The following GABRR1 variants were observed in gnomAD, a reference collection of about 807,000 sequenced individuals.
GABRR1 encodes gamma-aminobutyric acid receptor subunit rho-1.
Under a neutral mutation model 55.5 loss-of-function variants are expected in GABRR1, and 59 were observed. That is an observed-to-expected ratio of 1.06 (90% CI 0.86 to 1.32). The LOEUF (loss-of-function observed/expected upper bound fraction) is 1.32, where lower values mean the gene tolerates loss of function less well. GABRR1 is among the 40% of genes most tolerant of loss of function. The probability of loss-of-function intolerance (pLI) is 0.00; values close to 1 mark genes in which losing one functional copy is unlikely to be tolerated. For synonymous variants in GABRR1, 213 were observed against 226.0 expected (o/e 0.94, Z 0.51); for missense variants, 602 against 619.1 (o/e 0.97, Z 0.29).
intron 1 of GABRR1, among the ~76,000 whole-genome samples, chr6:89,225,024 A>G (rs1312201601): frequency 2.6e-5 from 4 of 151,776 alleles, no homozygotes; most frequent in Non-Finnish European, 5.9e-5. Context: ...CTCGTGATCC[A>G]CCCGCCTTGG....
At chr6:89,201,091 G>T in intron 3 of GABRR1, 68 bp downstream of exon 3, 1 of 1,186,930 alleles carries the variant, frequency 8.4e-7, no homozygotes, top group Non-Finnish European at 1.2e-6. Flanking sequence ...GCTGTCCCTT[G>T]GCTAATTTCC....
chr6:89,181,045 A>T (rs931503527), intron 8 of GABRR1, among the ~76,000 whole-genome samples: 2 of 152,220 alleles, frequency 1.3e-5, no homozygotes, highest in African/African-American at 4.8e-5. Context: ...TTCACTAAGG[A>T]TGACAATGTT....
Position 89,217,239 on chromosome 6 carries a change from C to T in GABRR1, c.84G>A (p.Trp28Ter). ...WVLATESRMHWPGREVHEMSK... is the reference protein window; with the variant it reads ...WVLATESRMH Reference sequence around the variant, plus strand: ...ACATCTCGTGGACTTCTCTTCCGGGCCAGTGCATTCTGCTTTCAGTGGCCA... The same window carrying T: ...ACATCTCGTGGACTTCTCTTCCGGGTCAGTGCATTCTGCTTTCAGTGGCCA... Residue 28 changes from tryptophan to a stop codon, truncating the protein, a stop_gained, in exon 1 of 10, where the codon TGG becomes TGA. Transcript: ENST00000454853. LOFTEE classifies it high-confidence loss of function. The T allele has an allele frequency of 6.2e-7, 1 of 1,614,072 alleles. No individual in the cohort carries two copies.
intron 6 of GABRR1, among the ~76,000 whole-genome samples, chr6:89,188,314 G>A (rs532630214): frequency 3.9e-5 from 6 of 152,264 alleles, no homozygotes; most frequent in South Asian, 2.1e-4. Context: ...ATGAGCAACC[G>A]TGCCCAGCCA....
intron 1 of GABRR1, among the ~76,000 whole-genome samples, chr6:89,208,612 CGAA>C (rs1047971988): frequency 4.6e-5 from 7 of 152,178 alleles, no homozygotes; most frequent in South Asian, 2.1e-4. Context: ...TAAGGTTTCT[CGAA>C]GAAGAAGAAG....
intron 8 of GABRR1, among the ~76,000 whole-genome samples, chr6:89,181,234 G>A (rs1213663621): frequency 6.6e-6 from 1 of 152,108 alleles, no homozygotes; most frequent in Non-Finnish European, 1.5e-5. Flanking sequence ...GGGGATTGGG[G>A]TCATCTTAAG....
intron 1 of GABRR1, among the ~76,000 whole-genome samples, chr6:89,225,356 T>C (rs1267042416): frequency 7.0e-6 from 1 of 143,566 alleles, no homozygotes; most frequent in African/African-American, 2.6e-5. Context: ...GCTGGTGCGC[T>C]GCACCCACTA....
chr6:89,197,929 GA>G, intron 5 of GABRR1, 90 bp downstream of exon 5: 1 of 1,037,214 alleles, frequency 9.6e-7, no homozygotes, highest in Non-Finnish European at 1.5e-6. Flanking sequence ...TGAAAAGTTA[GA>G]AAGTAGACAT....
chr6:89,208,635 T>G (rs183919815), intron 1 of GABRR1, among the ~76,000 whole-genome samples: 1 of 152,360 alleles, frequency 6.6e-6, no homozygotes, highest in East Asian at 1.9e-4. Flanking sequence ...GGAATTTGCT[T>G]CCAGACTGCC....
At position 89,198,114 on chromosome 6, in the gene GABRR1, A is replaced by T; in HGVS notation, c.478T>A (p.Phe160Ile). The T allele has an allele frequency of 6.2e-7, 1 of 1,614,142 alleles. No individual in the cohort carries two copies. The highest frequency in any genetic ancestry group is 1.3e-5 in the African/African-American group (1 of 75,026). ...ATGAAGGAGCGTTTGGAGTGCACGAAAAACATGTCAGGGACCCAGATCTTC... is the reference window on the plus strand; with the variant it reads ...ATGAAGGAGCGTTTGGAGTGCACGATAAACATGTCAGGGACCCAGATCTTC... ...VKKIWVPDMF[F>I]VHSKRSFIHD... Residue 160 changes from phenylalanine to isoleucine, a missense_variant, in exon 5 of 10, where the codon TTC becomes ATC. Coordinates refer to ENST00000454853, the MANE Select transcript of GABRR1 (RefSeq NM_002042.5).
At chr6:89,208,300 T>A (rs1046783637) in intron 1 of GABRR1, among the ~76,000 whole-genome samples, 4 of 152,248 alleles carry the variant, frequency 2.6e-5, no homozygotes, top group African/African-American at 9.6e-5. Flanking sequence ...GCATTTTGTA[T>A]TTTTCCTTGG....
At chr6:89,220,015 G>C (rs969522350), upstream of GABRR1, among the ~76,000 whole-genome samples, 2 of 152,154 alleles carry the variant, frequency 1.3e-5, no homozygotes, top group Non-Finnish European at 2.9e-5. Context: ...AAGCATGGTT[G>C]GATACTTAAG....
intron 5 of GABRR1, among the ~76,000 whole-genome samples, chr6:89,194,578 A>C (rs1268466775): frequency 6.6e-6 from 1 of 152,218 alleles, no homozygotes; most frequent in Admixed American, 6.5e-5. Flanking sequence ...TCTCTGACCA[A>C]GAATCCAAAA....
chr6:89,204,295 T>C (rs1428145375), intron 1 of GABRR1, among the ~76,000 whole-genome samples: 5 of 152,240 alleles, frequency 3.3e-5, no homozygotes, highest in Admixed American at 3.3e-4. Context: ...ATGTCATCTG[T>C]AGAAAATGGA....
At position 89,190,968 on chromosome 6, in the gene GABRR1, C is replaced by T. The variant is rs193019831; in HGVS notation, c.573-721G>A. On this transcript the variant is annotated intron_variant, in intron 5 of 9. Coordinates refer to ENST00000454853, the MANE Select transcript of GABRR1 (RefSeq NM_002042.5). ...GCCTCCTATCCAGTGGGGAATTTCA[C>T]AGCAGGACACGATTAACATTTGTTC... 7.2e-3 allele frequency among the ~76,000 whole-genome samples: 1,094 copies of T among 152,358 alleles called. 5 individuals carry two copies. Among genetic ancestry groups the T allele is most frequent in the Non-Finnish European group, 0.01 (713 of 68,034 alleles).
At chr6:89,196,864 A>AAAGAAAG (rs1187790147) in intron 5 of GABRR1, among the ~76,000 whole-genome samples, 1 of 135,586 alleles carries the variant, frequency 7.4e-6, no homozygotes, top group Admixed American at 7.5e-5. Context: ...AGAAAGAAAG[A>AAAGAAAG]AAGAAAGAAA....
At chr6:89,205,768 T>G (rs1001188944) in intron 1 of GABRR1, 3 of 152,150 alleles carry the variant, frequency 2.0e-5, no homozygotes, top group Non-Finnish European at 2.9e-5. Context: ...GAACTTAATT[T>G]TTACAAGGAA....
intron 5 of GABRR1, among the ~76,000 whole-genome samples, chr6:89,196,879 G>GAAAGAAAGAA (rs59573364): frequency 2.2e-5 from 3 of 137,678 alleles, no homozygotes; most frequent in African/African-American, 6.0e-5. Flanking sequence ...AAGAAAGAAA[G>GAAAGAAAGAA]AGAAGAGAAG....
chr6:89,188,989 T>A (rs423463), intron 6 of GABRR1, among the ~76,000 whole-genome samples: 37,109 of 151,792 alleles, frequency 0.24, 5,060 homozygotes, highest in East Asian at 0.63. Context: ...AGAAATTACA[T>A]TTAGAAGAGC....
Sources: gnomAD v4.1 joint callset for allele counts (sites outside exome capture counted in the v4.1 genomes callset) on GRCh38, gnomAD v4.1.1 for gene constraint, MANE v1.5 for transcripts, NCBI Gene and HGNC (gene_info 2026-07-23, HGNC 2026-07-21) for gene names.